The following ASIC5 variants were observed in gnomAD, a reference collection of about 807,000 sequenced individuals.
ASIC5 encodes bile acid-sensitive ion channel.
ASIC5 carries 52 observed loss-of-function variants against 51.2 expected under a neutral mutation model. That is an observed-to-expected ratio of 1.02 (90% confidence interval 0.81 to 1.28). The LOEUF (loss-of-function observed/expected upper bound fraction) is 1.28. Ranked by LOEUF, ASIC5 falls within the 50% of genes most tolerant of loss-of-function variation. The pLI is 0.00. For synonymous variants in ASIC5, 231 were observed against 200.7 expected (o/e 1.15, Z -1.28); for missense variants, 635 against 595.0 (o/e 1.07, Z -0.70).
At chr4:155,830,534 A>G (rs1579280220) in intron 9 of ASIC5, among the ~76,000 whole-genome samples, 4 of 152,284 alleles carry the variant, frequency 2.6e-5, no homozygotes, top group Admixed American at 2.6e-4. Context: ...TGCCTTTTTG[A>G]TATTTTAAAA....
Position 155,863,552 on chromosome 4 carries a change from G to A in ASIC5, c.243C>T (p.Tyr81=), listed in dbSNP as rs778344515. Residue 81 remains tyrosine (Y), a synonymous_variant, in exon 2 of 10, where the codon TAC becomes TAT. Transcript: ENST00000537611. ...ATGTGAAGTAGTTGAGCAAGCGAATGTAGATCTGCCATGTCACAAGTGAGA... is the reference window on the plus strand; with the variant it reads ...ATGTGAAGTAGTTGAGCAAGCGAATATAGATCTGCCATGTCACAAGTGAGA... ...GSVSLVTWQI[Y]IRLLNYFTWP... is the part of the protein sequence containing the mutation. 1.2e-6 allele frequency: 2 copies of A among 1,613,798 alleles called. No homozygotes were observed. The highest frequency in any genetic ancestry group is 1.7e-6 in the Non-Finnish European group (2 of 1,179,882).
chr4:155,838,608 G>T (rs73855725), intron 7 of ASIC5, among the ~76,000 whole-genome samples: 2,968 of 152,186 alleles, frequency 0.02, 93 homozygotes, highest in African/African-American at 0.065. Context: ...TAAAAATTTA[G>T]ATGTGTCTTA....
chr4:155,846,876 A>T (rs7662202), intron 4 of ASIC5, among the ~76,000 whole-genome samples: 148,431 of 152,104 alleles, frequency 0.98, 72,460 homozygotes, highest in East Asian at 1. Flanking sequence ...TGTGTCCTTT[A>T]TAAAAAAACA....
chr4:155,855,205 C>T (rs559148803), intron 2 of ASIC5: 1 of 151,942 alleles, frequency 6.6e-6, no homozygotes, highest in East Asian at 1.9e-4. Context: ...TTTTTCATTT[C>T]CCTCTGACTT....
At chr4:155,849,861 T>C (rs1741339856) in intron 4 of ASIC5, among the ~76,000 whole-genome samples, 1 of 152,086 alleles carries the variant, frequency 6.6e-6, no homozygotes, top group South Asian at 2.1e-4. Flanking sequence ...TTTTCATACC[T>C]GCCTACTGAT....
intron 8 of ASIC5, among the ~76,000 whole-genome samples, chr4:155,836,024 A>C (rs1423241156): frequency 6.6e-6 from 1 of 152,212 alleles, no homozygotes; most frequent in African/African-American, 2.4e-5. Flanking sequence ...AAATACAAAG[A>C]AGAAACAAAG....
intron 6 of ASIC5, among the ~76,000 whole-genome samples, chr4:155,840,442 AAT>A (rs1167777722): frequency 6.8e-6 from 1 of 147,394 alleles, no homozygotes; most frequent in African/African-American, 2.5e-5. Flanking sequence ...TATATAATAT[AAT>A]ATATATTTTT....
At chr4:155,842,146 T>C in intron 6 of ASIC5, 61 bp downstream of exon 6, 14 of 1,488,774 alleles carry the variant, frequency 9.4e-6, no homozygotes, top group Non-Finnish European at 9.3e-6. Context: ...AGACCTTTTG[T>C]AACCCTCTAA....
At chr4:155,856,575 G>C (rs1741546205) in intron 2 of ASIC5, among the ~76,000 whole-genome samples, 1 of 152,068 alleles carries the variant, frequency 6.6e-6, no homozygotes, top group East Asian at 1.9e-4. Context: ...TTGGTCATCT[G>C]TCATGGTGGT....
At chr4:155,843,153 T>A (rs145363666) in intron 5 of ASIC5, among the ~76,000 whole-genome samples, 72 of 152,280 alleles carry the variant, frequency 4.7e-4, no homozygotes, top group African/African-American at 1.7e-3. Context: ...GGCCCTTGGC[T>A]GTCTCCTGTG....
intron 1 of ASIC5, among the ~76,000 whole-genome samples, 198 bp from the exon 2 acceptor site, chr4:155,863,952 T>C (rs926383103): frequency 6.6e-5 from 10 of 152,196 alleles, no homozygotes; most frequent in African/African-American, 2.4e-4. Flanking sequence ...CATGGGTTTA[T>C]TGAGAAGATG....
chr4:155,856,865 T>C (rs1185057020), intron 2 of ASIC5, among the ~76,000 whole-genome samples: 2 of 152,006 alleles, frequency 1.3e-5, no homozygotes, highest in African/African-American at 4.8e-5. Context: ...TTCAAAATGA[T>C]TATGCAGAGA....
At chr4:155,864,570 G>A (rs977376013) in intron 1 of ASIC5, 1 of 151,896 alleles carries the variant, frequency 6.6e-6, no homozygotes, top group Non-Finnish European at 1.5e-5. Flanking sequence ...AGCATGAGAT[G>A]GGCTTCACAA....
At chr4:155,843,112 G>T (rs780867537) in intron 5 of ASIC5, among the ~76,000 whole-genome samples, 1 of 152,142 alleles carries the variant, frequency 6.6e-6, no homozygotes, top group Non-Finnish European at 1.5e-5. Flanking sequence ...CCTTCAGGCT[G>T]TTTTAGGTTT....
In ASIC5 at chr4:155,843,807, G is replaced by A; in HGVS notation, c.735C>T (p.Ala245=). ...VNQEAFTDNP[A]LGFVDAGIIF... ...TGATCCCAGCATCAACGAAACCAAG[G>A]GCTGGGTTATCAGTGAATGCCTCCT... The change falls in exon 5 of 10, where the codon GCC becomes GCT. Residue 245 remains alanine, a synonymous_variant. Coordinates refer to ENST00000537611, the MANE Select transcript of ASIC5 (RefSeq NM_017419.3). The A allele has an allele frequency of 6.2e-7, 1 of 1,613,440 alleles. No homozygotes were observed. The highest frequency in any genetic ancestry group is 1.1e-5 in the South Asian group (1 of 91,050).
intron 8 of ASIC5, among the ~76,000 whole-genome samples, chr4:155,833,837 C>A (rs551114303): frequency 9.2e-5 from 14 of 152,316 alleles, no homozygotes; most frequent in African/African-American, 3.4e-4. Flanking sequence ...CTCACTGAAT[C>A]TGTGCCTCAT....
At chr4:155,854,361 A>G (rs769427137) in intron 2 of ASIC5, 47 bp from the exon 3 acceptor site, 1 of 1,256,400 alleles carries the variant, frequency 8.0e-7, no homozygotes, top group Non-Finnish European at 1.2e-6. Context: ...AAAACTTATA[A>G]TTATCTGGAA....
intron 6 of ASIC5, among the ~76,000 whole-genome samples, chr4:155,839,871 C>T (rs761747344): frequency 1.6e-4 from 25 of 151,816 alleles, no homozygotes; most frequent in Non-Finnish European, 2.4e-4. Context: ...AAAATAAAAA[C>T]AAACAAACAA....
intron 4 of ASIC5, among the ~76,000 whole-genome samples, chr4:155,847,580 G>A (rs557227489): frequency 2.0e-5 from 3 of 151,978 alleles, no homozygotes; most frequent in Non-Finnish European, 4.4e-5. Context: ...AAATCAGCTG[G>A]GCATGGTGGC....
Sources: gnomAD v4.1 joint callset for allele counts (sites outside exome capture counted in the v4.1 genomes callset) on GRCh38, gnomAD v4.1.1 for gene constraint, MANE v1.5 for transcripts, NCBI Gene and HGNC (gene_info 2026-07-23, HGNC 2026-07-21) for gene names.